PIGF: variants seen among roughly 807,000 people sequenced by gnomAD.
PIGF encodes the protein GPI ethanolamine phosphate transferase, stabilizing subunit.
In PIGF, 23 loss-of-function variants were observed where a neutral mutation model predicts 26.0. The ratio of observed to expected loss-of-function variants is 0.88; its 90% CI spans 0.64 to 1.25. PIGF has a LOEUF of 1.25. Among genes scored for constraint, PIGF ranks in the 50% most tolerant of loss-of-function variants. The pLI is 0.00. For synonymous variants in PIGF, 93 were observed against 92.6 expected (o/e 1.00, Z -0.03); for missense variants, 278 against 249.9 (o/e 1.11, Z -0.76).
chr2:46,603,295 C>A (rs1248885621), intron 4 of PIGF, among the ~76,000 whole-genome samples: 1 of 151,984 alleles, frequency 6.6e-6, no homozygotes, highest in Non-Finnish European at 1.5e-5. Context: ...CCAAAGCAAT[C>A]CACAGATTCA....
chr2:46,599,803 T>C (rs1444888279), intron 4 of PIGF, among the ~76,000 whole-genome samples: 1 of 152,178 alleles, frequency 6.6e-6, no homozygotes, highest in Non-Finnish European at 1.5e-5. Context: ...TTCTTCATCT[T>C]CTGCACACCC....
chr2:46,608,686 G>GA (rs1297100200), intron 4 of PIGF, among the ~76,000 whole-genome samples: 4 of 152,032 alleles, frequency 2.6e-5, no homozygotes, highest in Non-Finnish European at 4.4e-5. Flanking sequence ...TTGTAGGCAT[G>GA]AAAAAAACAT....
At chr2:46,586,470 G>T (rs1009199706) in intron 5 of PIGF, among the ~76,000 whole-genome samples, 6 of 151,960 alleles carry the variant, frequency 3.9e-5, no homozygotes, top group African/African-American at 1.5e-4. Context: ...AATTTTGGGG[G>T]AGATTTACAC....
rs2104068370 is a variant in PIGF at position 46,587,926 on chromosome 2, T to C, written c.546+4549A>G. ...TTAAAAAGAAAAGCTATGTTTTAGT[T>C]TCCAGCAATGAAAAGAATCATGGTG... On this transcript the variant is annotated intron_variant, in intron 5 of 5. Transcript: ENST00000281382. 4 of 551,200 alleles carry C rather than the reference T, an allele frequency of 7.3e-6. No individual in the cohort carries two copies. The South Asian group carries it at 2.5e-4, about 35-fold the overall frequency. 34.1% of individuals were successfully genotyped at this position (551,200 alleles called of 1,614,324 possible).
rs962088241 is a variant in PIGF at position 46,589,023 on chromosome 2, T to C, written c.546+3452A>G. Among the ~76,000 whole-genome samples the C allele has an allele frequency of 1.2e-4, 19 of 152,136 alleles. No individual in the cohort carries two copies. Among genetic ancestry groups the C allele is most frequent in the African/African-American group, 4.6e-4 (19 of 41,450 alleles). On this transcript the variant is annotated intron_variant, in intron 5 of 5. Transcript: ENST00000281382. This position sits in a 1 kb window ranked among gnomAD's most constrained non-coding sequence, Gnocchi z 4.7. ...TTTCTCTAGAAGTTGAAAAAGCCTA[T>C]CTGGATTATGGGAAATTCAAATATT... is the stretch of plus-strand genomic sequence containing the variant.
Position 46,589,441 on chromosome 2 carries a change from G to T in PIGF, c.546+3034C>A, listed in dbSNP as rs1243595920. On this transcript the variant is annotated intron_variant, in intron 5 of 5. Transcript: ENST00000281382. The surrounding 1 kb of genome is among the most constrained non-coding windows in gnomAD (Gnocchi z 4.7). ...CCTCAGGAATGTTATACAATGGTTT[G>T]AGTTCAAAGTAAAGAAAACTGAATT... Among the ~76,000 whole-genome samples the T allele has an allele frequency of 6.6e-6, 1 of 151,910 alleles. No homozygotes were observed. The highest frequency in any genetic ancestry group is 1.5e-5 in the Non-Finnish European group (1 of 67,914).
chr2:46,603,796 G>T (rs1670133781), intron 4 of PIGF, among the ~76,000 whole-genome samples: 1 of 151,960 alleles, frequency 6.6e-6, no homozygotes, highest in African/African-American at 2.4e-5. Flanking sequence ...CACTGGATTG[G>T]GCTAAGATTT....
chr2:46,609,398 G>A (rs1042317930), intron 4 of PIGF, among the ~76,000 whole-genome samples: 3 of 152,216 alleles, frequency 2.0e-5, no homozygotes, highest in Non-Finnish European at 4.4e-5. Context: ...CTCCCCATCA[G>A]CAGTAAGGCT....
chr2:46,607,708 T>TC (rs1670269191), intron 4 of PIGF, among the ~76,000 whole-genome samples: 1 of 152,068 alleles, frequency 6.6e-6, no homozygotes, highest in African/African-American at 2.4e-5. Flanking sequence ...TTCTTTTTTT[T>TC]TTTTAAGACT....
rs2104070835 is a variant in PIGF at position 46,589,067 on chromosome 2, T to C, written c.546+3408A>G. Among the ~76,000 whole-genome samples, 1 of 152,236 alleles carries C rather than the reference T, an allele frequency of 6.6e-6. No individual in the cohort carries two copies. The highest frequency in any genetic ancestry group is 1.5e-5 in the Non-Finnish European group (1 of 67,936). Reference sequence around the variant, plus strand: ...AAATATTTGTTTTCTTGCTGAGATTTTAAGGCAAATAAGGTAGAGGCAAGA... The same window carrying C: ...AAATATTTGTTTTCTTGCTGAGATTCTAAGGCAAATAAGGTAGAGGCAAGA... On this transcript the variant is annotated intron_variant, in intron 5 of 5. Coordinates refer to ENST00000281382, the MANE Select transcript of PIGF (RefSeq NM_002643.4). This position sits in a 1 kb window ranked among gnomAD's most constrained non-coding sequence, Gnocchi z 4.7.
intron 5 of PIGF, among the ~76,000 whole-genome samples, chr2:46,591,259 A>T (rs1322259947): frequency 6.6e-6 from 1 of 152,140 alleles, no homozygotes; most frequent in African/African-American, 2.4e-5. Flanking sequence ...TATACTGCTG[A>T]GGGGAAAAAG....
intron 4 of PIGF, 104 bp from the exon 5 acceptor site, chr2:46,592,687 A>G: frequency 3.2e-6 from 2 of 618,316 alleles, no homozygotes; most frequent in Non-Finnish European, 6.0e-6. Context: ...TTTCCTGCTA[A>G]TTTAAAATGA....
Position 46,588,416 on chromosome 2 carries a change from CTT to C in PIGF, c.546+4057_546+4058del. 1 of 401,940 alleles carries C rather than the reference CTT, an allele frequency of 2.5e-6. No homozygotes were observed. The highest frequency in any genetic ancestry group is 4.4e-6 in the Non-Finnish European group (1 of 226,966). The allele number at this position is 401,940 out of a possible 1,614,324, so 24.9% of individuals were successfully genotyped here. A position where few individuals can be genotyped will look rare whatever the true frequency, so the allele number is the denominator to read the frequency against. On this transcript the variant is annotated intron_variant, in intron 5 of 5. Coordinates refer to ENST00000281382, the MANE Select transcript of PIGF (RefSeq NM_002643.4). This position sits in a 1 kb window ranked among gnomAD's most constrained non-coding sequence, Gnocchi z 4.1. The stretch of plus-strand genomic sequence containing the variant: ...TAAAAATATAGTCATTAAACTATGT[CTT>C]TTCTAGGTCACAAATGCCTGTAACA...
Position 46,607,327 on chromosome 2 carries a change from G to A in PIGF, c.437+4901C>T, listed in dbSNP as rs913094038. 9.2e-5 allele frequency among the ~76,000 whole-genome samples: 14 copies of A among 152,182 alleles called. No individual in the cohort carries two copies. The East Asian group carries it at 2.7e-3, about 29-fold the overall frequency. ...ATTTCCAGAAGCAAACCTTTACCAA[G>A]GAAACCTTTTCCAAGGAAAAGTGCT... On this transcript the variant is annotated intron_variant, in intron 4 of 5. Coordinates refer to ENST00000281382, the MANE Select transcript of PIGF (RefSeq NM_002643.4).
chr2:46,609,791 A>G (rs918355871), intron 4 of PIGF, among the ~76,000 whole-genome samples: 4 of 152,208 alleles, frequency 2.6e-5, no homozygotes, highest in African/African-American at 9.7e-5. Context: ...TCGTCATCTT[A>G]TATGGGTATG....
chr2:46,600,824 TAC>T (rs574102749), intron 4 of PIGF, among the ~76,000 whole-genome samples: 244 of 152,138 alleles, frequency 1.6e-3, no homozygotes, highest in African/African-American at 5.5e-3. Flanking sequence ...AGGTAGATTA[TAC>T]ACACACACAG....
intron 2 of PIGF, chr2:46,614,460 A>T (rs1367015544): frequency 6.4e-6 from 1 of 156,996 alleles, no homozygotes; most frequent in Non-Finnish European, 1.4e-5. Flanking sequence ...TATCTACTGC[A>T]GTGAATATTC....
chr2:46,604,648 T>C (rs944947180), intron 4 of PIGF, among the ~76,000 whole-genome samples: 1 of 151,734 alleles, frequency 6.6e-6, no homozygotes, highest in Non-Finnish European at 1.5e-5. Context: ...TTATTTGTGG[T>C]AGTTAAAAAA....
At chr2:46,609,592 G>A (rs1233601907) in intron 4 of PIGF, among the ~76,000 whole-genome samples, 1 of 152,094 alleles carries the variant, frequency 6.6e-6, no homozygotes, top group Non-Finnish European at 1.5e-5. Context: ...TAAAGTGAGA[G>A]ACAAGTAAAA....
Sources: allele counts gnomAD v4.1 joint callset (sites outside exome capture counted in the v4.1 genomes callset), GRCh38; gene constraint gnomAD v4.1.1; non-coding constraint Gnocchi (gnomAD v3.1); transcripts MANE v1.5; gene names NCBI Gene and HGNC (gene_info 2026-07-23, HGNC 2026-07-21).